The following SPIDR variants were observed in gnomAD, a reference collection of about 807,000 sequenced individuals.
SPIDR encodes DNA repair-scaffolding protein.
SPIDR carries 93 observed loss-of-function variants against 104.6 expected under a neutral mutation model. That is an observed-to-expected ratio of 0.89 (90% CI 0.75 to 1.06). The LOEUF (loss-of-function observed/expected upper bound fraction) is 1.06, where lower values mean the gene tolerates loss of function less well. Ranked by LOEUF, SPIDR falls within the 50% of genes least tolerant of loss-of-function variation. The pLI is 0.00. For synonymous variants in SPIDR, 431 were observed against 416.9 expected (o/e 1.03, Z -0.41); for missense variants, 1,154 against 1,111.2 (o/e 1.04, Z -0.55).
chr8:47,622,623 G>C (rs1741811838), intron 10 of SPIDR, among the ~76,000 whole-genome samples: 1 of 152,140 alleles, frequency 6.6e-6, no homozygotes, highest in Admixed American at 6.5e-5. Flanking sequence ...GGTGACTCGA[G>C]AGTTAGCATC....
intron 8 of SPIDR, among the ~76,000 whole-genome samples, chr8:47,496,946 A>T (rs2079555216): frequency 6.6e-6 from 1 of 151,846 alleles, no homozygotes. Flanking sequence ...CCTTTCTAGA[A>T]GTTTGTCCAT....
At chr8:47,289,052 C>T (rs1327967485) in intron 3 of SPIDR, among the ~76,000 whole-genome samples, 4 of 152,214 alleles carry the variant, frequency 2.6e-5, no homozygotes, top group Admixed American at 2.0e-4. Flanking sequence ...CCCTGTCACT[C>T]GGGATGGAGT....
chr8:47,631,124 G>A (rs1249841115), intron 10 of SPIDR, among the ~76,000 whole-genome samples: 1 of 152,124 alleles, frequency 6.6e-6, no homozygotes, highest in East Asian at 1.9e-4. Context: ...GGTCACATAG[G>A]CACTGGATGG....
chr8:47,296,632 T>C (rs1384405345), intron 5 of SPIDR, among the ~76,000 whole-genome samples: 2 of 152,196 alleles, frequency 1.3e-5, no homozygotes, highest in Non-Finnish European at 2.9e-5. Context: ...GGTCGGTTTT[T>C]ATGCTGTGCT....
At chr8:47,491,092 G>A (rs1037465620) in intron 8 of SPIDR, among the ~76,000 whole-genome samples, 7 of 152,030 alleles carry the variant, frequency 4.6e-5, no homozygotes, top group Admixed American at 6.6e-5. Context: ...CTCACATTTC[G>A]TGGTACTTCA....
At chr8:47,490,354 G>A (rs1475448104) in intron 8 of SPIDR, among the ~76,000 whole-genome samples, 6 of 152,212 alleles carry the variant, frequency 3.9e-5, no homozygotes, top group African/African-American at 1.4e-4. Context: ...AACAACAGGT[G>A]CTGGAGAGGA....
chr8:47,293,230 G>A (rs1037423546), intron 4 of SPIDR, among the ~76,000 whole-genome samples: 5 of 151,734 alleles, frequency 3.3e-5, no homozygotes, highest in Non-Finnish European at 7.4e-5. Flanking sequence ...GGGCTCGAGC[G>A]ATCCTACTAC....
chr8:47,263,056 T>G (rs1178213469), intron 1 of SPIDR, among the ~76,000 whole-genome samples: 5 of 152,242 alleles, frequency 3.3e-5, no homozygotes, highest in African/African-American at 9.6e-5. Flanking sequence ...TTAACAGTCC[T>G]GTGAGGTAGA....
At chr8:47,587,901 T>C (rs2060443998) in intron 8 of SPIDR, among the ~76,000 whole-genome samples, 1 of 150,396 alleles carries the variant, frequency 6.6e-6, no homozygotes, top group African/African-American at 2.4e-5. Context: ...CCATATAATA[T>C]TGGTTATTAT....
At chr8:47,329,952 T>G (rs1399264167) in intron 5 of SPIDR, among the ~76,000 whole-genome samples, 1 of 152,162 alleles carries the variant, frequency 6.6e-6, no homozygotes, top group East Asian at 1.9e-4. Flanking sequence ...TTTTGTGCAG[T>G]TTTTTAAAAT....
At chr8:47,550,143 G>C (rs1211150762) in intron 8 of SPIDR, among the ~76,000 whole-genome samples, 3 of 152,176 alleles carry the variant, frequency 2.0e-5, no homozygotes, top group East Asian at 1.9e-4. Flanking sequence ...TTTGGTACCA[G>C]TACCATCCTG....
chr8:47,357,856 T>C (rs1413667372), intron 5 of SPIDR: 1 of 984,990 alleles, frequency 1.0e-6, no homozygotes, highest in Non-Finnish European at 1.2e-6. Flanking sequence ...GTCTAGTGTT[T>C]AAGGCCACAT....
At chr8:47,434,451 A>G (rs947589261) in intron 7 of SPIDR, among the ~76,000 whole-genome samples, 10 of 152,230 alleles carry the variant, frequency 6.6e-5, no homozygotes, top group Admixed American at 5.9e-4. Flanking sequence ...ATAACTGGGC[A>G]GGCTAGCCTT....
chr8:47,410,872 A>G (rs2063421818), intron 7 of SPIDR, among the ~76,000 whole-genome samples: 1 of 151,718 alleles, frequency 6.6e-6, no homozygotes, highest in Non-Finnish European at 1.5e-5. Flanking sequence ...ATGTGTTCTC[A>G]TTGTTCATTT....
chr8:47,489,432 G>C (rs1554736403), intron 8 of SPIDR, among the ~76,000 whole-genome samples: 1 of 152,174 alleles, frequency 6.6e-6, no homozygotes, highest in Non-Finnish European at 1.5e-5. Flanking sequence ...ACTGCCCAAG[G>C]TAATTTATAG....
intron 8 of SPIDR, among the ~76,000 whole-genome samples, chr8:47,586,470 T>A (rs2060262026): frequency 6.6e-6 from 1 of 152,262 alleles, no homozygotes; most frequent in Non-Finnish European, 1.5e-5. Context: ...TAATGTGCAT[T>A]TTCTTAATGG....
At chr8:47,528,889 T>C (rs149618488) in intron 8 of SPIDR, among the ~76,000 whole-genome samples, 182 of 152,190 alleles carry the variant, frequency 1.2e-3, no homozygotes, top group African/African-American at 4.2e-3. Flanking sequence ...AAAGAATTTT[T>C]CCAAATTAAT....
At chr8:47,316,857 T>G (rs2045456685) in intron 5 of SPIDR, among the ~76,000 whole-genome samples, 1 of 152,200 alleles carries the variant, frequency 6.6e-6, no homozygotes, top group Non-Finnish European at 1.5e-5. Context: ...AGTAAATACA[T>G]ATTAATAGAA....
chr8:47,341,050 A>G (rs1204160250), intron 5 of SPIDR, among the ~76,000 whole-genome samples: 1 of 152,222 alleles, frequency 6.6e-6, no homozygotes, highest in Non-Finnish European at 1.5e-5. Context: ...GTAGCCAGTC[A>G]GCTTGGGGGG....
Sources: allele counts gnomAD v4.1 joint callset (sites outside exome capture counted in the v4.1 genomes callset), GRCh38; gene constraint gnomAD v4.1.1; transcripts MANE v1.5; gene names NCBI Gene and HGNC (gene_info 2026-07-23, HGNC 2026-07-21).